Variants in DCHS2 observed in about 807,000 individuals in gnomAD.
DCHS2 encodes the protein protocadherin-23.
A neutral mutation model predicts 182.4 loss-of-function variants in DCHS2; 142 were observed. The observed-to-expected ratio is 0.78, with a 90% CI of 0.68 to 0.89. The LOEUF is 0.89. Ranked by LOEUF, DCHS2 falls within the 40% of genes least tolerant of loss-of-function variation. The pLI is 0.00. For synonymous variants in DCHS2, 1,740 were observed against 1,663.3 expected (o/e 1.05, Z -1.12); for missense variants, 4,319 against 4,198.6 (o/e 1.03, Z -0.79).
At chr4:154,378,729 C>T (rs1214582341) in intron 1 of DCHS2, among the ~76,000 whole-genome samples, 1 of 152,170 alleles carries the variant, frequency 6.6e-6, no homozygotes, top group African/African-American at 2.4e-5. Context: ...AGTGTCAAAA[C>T]TGAAATTCTT....
At chr4:154,373,982 G>C in intron 2 of DCHS2, 5 of 1,418,102 alleles carry the variant, frequency 3.5e-6, no homozygotes, top group Non-Finnish European at 4.8e-6. Context: ...GATCCTTTTT[G>C]GAGGTGGATA....
chr4:154,286,031 G>C (rs1734378621), intron 13 of DCHS2, among the ~76,000 whole-genome samples: 1 of 152,084 alleles, frequency 6.6e-6, no homozygotes, highest in African/African-American at 2.4e-5. Flanking sequence ...CAGAGCAAAA[G>C]AATTTGTTTG....
chr4:154,276,609 T>C (rs1356334133), intron 13 of DCHS2, among the ~76,000 whole-genome samples: 1 of 152,234 alleles, frequency 6.6e-6, no homozygotes, highest in Non-Finnish European at 1.5e-5. Context: ...TGGATGATTC[T>C]GAATTATCTG....
Position 154,322,407 on chromosome 4 carries a change from G to A in DCHS2, c.4100C>T (p.Pro1367Leu), listed in dbSNP as rs765719596. Residue 1367 changes from proline (P) to leucine (L), a missense_variant, in exon 8 of 20, where the codon CCT (proline) becomes CTT (leucine). Coordinates refer to ENST00000357232, the MANE Select transcript of DCHS2 (RefSeq NM_001358235.2). ...TTTILSYDYRPSYRMSVIATD... is the reference protein window; with the variant it reads ...TTTILSYDYRLSYRMSVIATD... The stretch of plus-strand genomic sequence containing the variant: ...GGCAATGACACTCATTCTGTAGGAA[G>A]GTCTATAATCATACGAAAGTATTGT... 4.3e-6 allele frequency: 7 copies of A among 1,613,684 alleles called. No homozygotes were observed. In the South Asian group the frequency reaches 6.6e-5, roughly 15 times the overall value.
intron 1 of DCHS2, among the ~76,000 whole-genome samples, chr4:154,402,412 C>T (rs1008820765): frequency 6.6e-6 from 1 of 152,164 alleles, no homozygotes; most frequent in African/African-American, 2.4e-5. Context: ...ATAAAATGAG[C>T]TTGTTGGAAA....
intron 13 of DCHS2, among the ~76,000 whole-genome samples, chr4:154,295,937 T>G (rs984498125): frequency 1.3e-5 from 2 of 152,222 alleles, no homozygotes; most frequent in Non-Finnish European, 2.9e-5. Context: ...AAGATCTAAT[T>G]TATGTATTGT....
At chr4:154,266,024 A>G (rs748966323) in intron 14 of DCHS2, among the ~76,000 whole-genome samples, 3 of 152,240 alleles carry the variant, frequency 2.0e-5, no homozygotes, top group African/African-American at 4.8e-5. Context: ...GAACAATTAT[A>G]CTGTAGTAAA....
At chr4:154,437,727 T>C (rs1423832420) in intron 1 of DCHS2, among the ~76,000 whole-genome samples, 1 of 152,176 alleles carries the variant, frequency 6.6e-6, no homozygotes, top group Non-Finnish European at 1.5e-5. Context: ...TCTTTCAACT[T>C]TTCTCTAAAA....
chr4:154,295,205 G>C (rs1369386082), intron 13 of DCHS2, among the ~76,000 whole-genome samples: 1 of 152,178 alleles, frequency 6.6e-6, no homozygotes, highest in African/African-American at 2.4e-5. Flanking sequence ...GATAAAAACT[G>C]CTTTGTGAAG....
chr4:154,414,076 C>A (rs1275676532), intron 1 of DCHS2, among the ~76,000 whole-genome samples: 1 of 151,930 alleles, frequency 6.6e-6, no homozygotes, highest in Non-Finnish European at 1.5e-5. Context: ...ATATGGCAGG[C>A]CTTTTTTCTT....
intron 3 of DCHS2, among the ~76,000 whole-genome samples, chr4:154,339,411 A>AT (rs932428411): frequency 6.6e-6 from 1 of 151,870 alleles, no homozygotes; most frequent in Admixed American, 6.6e-5. Context: ...CTTGTGGACT[A>AT]TTCAAGTTAA....
chr4:154,331,740 A>G, intron 5 of DCHS2: 2 of 1,599,662 alleles, frequency 1.3e-6, no homozygotes, highest in East Asian at 2.2e-5. Context: ...GCTTCTTCTC[A>G]TCTTACCAGC....
chr4:154,292,860 A>G (rs1033830289), intron 13 of DCHS2, among the ~76,000 whole-genome samples: 1 of 152,018 alleles, frequency 6.6e-6, no homozygotes, highest in African/African-American at 2.4e-5. Flanking sequence ...ACCAGTAGCC[A>G]TTTTTCCATC....
intron 7 of DCHS2, among the ~76,000 whole-genome samples, chr4:154,327,336 T>C (rs1376722161): frequency 6.6e-6 from 1 of 152,164 alleles, no homozygotes; most frequent in Non-Finnish European, 1.5e-5. Context: ...AACTGCTAAG[T>C]TTTAAAAATA....
intron 10 of DCHS2, among the ~76,000 whole-genome samples, chr4:154,307,832 G>A (rs1387965351): frequency 6.6e-6 from 1 of 152,014 alleles, no homozygotes; most frequent in African/African-American, 2.4e-5. Flanking sequence ...CCACTACCTG[G>A]CTTACTCTCA....
rs2111078603 is a variant in DCHS2, at chr4:154,235,098, T to C, written c.9554A>G (p.Gln3185Arg). 2 of 1,613,984 alleles carry C rather than the reference T, an allele frequency of 1.2e-6. No individual in the cohort carries two copies. Among genetic ancestry groups the C allele is most frequent in the Non-Finnish European group, 1.7e-6 (2 of 1,179,942 alleles). ...TTCAQNNVLP[Q>R]TVQKREAKES... ...TTTTGCCTCTCTCTTCTGAACTGTCTGGGGTAACACATTATTTTGAGCACA... is the reference window on the plus strand; with the variant it reads ...TTTTGCCTCTCTCTTCTGAACTGTCCGGGGTAACACATTATTTTGAGCACA... The change falls in exon 20 of 20, where the codon CAG becomes CGG. Residue 3185 changes from glutamine to arginine, a missense_variant. Coordinates refer to ENST00000357232, the MANE Select transcript of DCHS2 (RefSeq NM_001358235.2).
intron 1 of DCHS2, among the ~76,000 whole-genome samples, chr4:154,406,899 G>T (rs779231120): frequency 6.6e-6 from 1 of 152,348 alleles, no homozygotes; most frequent in Non-Finnish European, 1.5e-5. Flanking sequence ...TCAGCATCAT[G>T]TTCCAATCTT....
In DCHS2 at chr4:154,298,369, A is replaced by G. The variant is rs112402501; in HGVS notation, c.5945T>C (p.Ile1982Thr). The G allele has an allele frequency of 6.2e-6, 10 of 1,614,182 alleles. No homozygotes were observed. The highest frequency in any genetic ancestry group is 2.7e-5 in the African/African-American group (2 of 75,056). The change falls in exon 13 of 20, where the codon ATT (isoleucine) becomes ACT (threonine). Residue 1982 changes from isoleucine to threonine, a missense_variant. Ile to Thr is a moderately conservative substitution (Grantham distance 89). Transcript: ENST00000357232. Reference sequence around the variant, plus strand: ...TTTCAATGTGCCTGACATAGGATCAATGGTGAATGCACCAGAAGCCTCATC... The same window carrying G: ...TTTCAATGTGCCTGACATAGGATCAGTGGTGAATGCACCAGAAGCCTCATC... ...LTDEASGAFT[I>T]DPMSGTLKTS...
intron 1 of DCHS2, among the ~76,000 whole-genome samples, chr4:154,420,234 G>GAGACAGACAGACAGACAGAC (rs71600327): frequency 5.1e-5 from 7 of 138,128 alleles, no homozygotes; most frequent in Admixed American, 1.6e-4. Flanking sequence ...GAACCGATGG[G>GAGACAGACAGACAGACAGAC]AGACAGACAG....
Sources: allele counts gnomAD v4.1 joint callset (sites outside exome capture counted in the v4.1 genomes callset), GRCh38; gene constraint gnomAD v4.1.1; transcripts MANE v1.5; gene names NCBI Gene and HGNC (gene_info 2026-07-23, HGNC 2026-07-21).